GABRG2: variants seen among roughly 807,000 people sequenced by gnomAD.
The protein encoded by GABRG2 is gamma-aminobutyric acid type A receptor subunit gamma2.
In GABRG2, 16 loss-of-function variants were observed where a neutral mutation model predicts 56.4. That is an observed-to-expected ratio of 0.28 (90% CI 0.19 to 0.43). GABRG2 has a LOEUF of 0.43. Among genes scored for constraint, GABRG2 ranks in the 20% least tolerant of loss-of-function variants. The pLI is 1.00. For synonymous variants in GABRG2, 208 were observed against 205.5 expected (o/e 1.01, Z -0.10); for missense variants, 327 against 582.7 (o/e 0.56, Z 4.52).
intron 6 of GABRG2, among the ~76,000 whole-genome samples, chr5:162,133,837 G>A (rs1763929127): frequency 6.6e-6 from 1 of 152,096 alleles, no homozygotes; most frequent in South Asian, 2.1e-4. Flanking sequence ...TACATTTGGA[G>A]GCTTTGCAAA....
chr5:162,123,319 T>C (rs1234724693), intron 6 of GABRG2, among the ~76,000 whole-genome samples: 3 of 151,908 alleles, frequency 2.0e-5, no homozygotes, highest in East Asian at 1.9e-4. Flanking sequence ...ATGGATAAGA[T>C]ATAATCATCT....
At chr5:162,084,246 T>A (rs1365574454) in intron 1 of GABRG2, among the ~76,000 whole-genome samples, 2 of 151,122 alleles carry the variant, frequency 1.3e-5, no homozygotes, top group Non-Finnish European at 3.0e-5. Flanking sequence ...ACTGTACCTA[T>A]GTGACACTTA....
At chr5:162,073,459 T>A (rs565356030) in intron 1 of GABRG2, among the ~76,000 whole-genome samples, 8 of 152,076 alleles carry the variant, frequency 5.3e-5, no homozygotes, top group African/African-American at 1.9e-4. Context: ...TTGCTTTTTA[T>A]TGAGCAAATC....
chr5:162,073,966 A>G (rs902398419), intron 1 of GABRG2, among the ~76,000 whole-genome samples: 51 of 151,908 alleles, frequency 3.4e-4, no homozygotes, highest in African/African-American at 4.6e-4. Flanking sequence ...AATACATCAC[A>G]TTGCACAAGT....
intron 1 of GABRG2, among the ~76,000 whole-genome samples, chr5:162,083,175 T>A (rs1759798107): frequency 6.6e-6 from 1 of 151,694 alleles, no homozygotes; most frequent in African/African-American, 2.4e-5. Context: ...TATCTAAACA[T>A]GAAAATAAAA....
chr5:162,078,382 TATATATATATATATA>T (rs1759324616), intron 1 of GABRG2, among the ~76,000 whole-genome samples: 2 of 33,854 alleles, frequency 5.9e-5, no homozygotes, highest in African/African-American at 1.1e-4. Flanking sequence ...TATATATATA[TATATATATATATATA>T]TTTTTTTTTT....
chr5:162,074,546 T>C (rs933353016), intron 1 of GABRG2, among the ~76,000 whole-genome samples: 2 of 152,066 alleles, frequency 1.3e-5, no homozygotes, highest in African/African-American at 4.8e-5. Flanking sequence ...TGTATATTTA[T>C]ATAAATAAAA....
In GABRG2 at chr5:162,068,021, A is replaced by G; in HGVS notation, c.22A>G (p.Ser8Gly). The G allele has an allele frequency of 6.2e-7, 1 of 1,610,656 alleles. No homozygotes were observed. Among genetic ancestry groups the G allele is most frequent in the Non-Finnish European group, 8.5e-7 (1 of 1,179,148 alleles). Residue 8 changes from serine (S) to glycine (G), a missense_variant, in exon 1 of 10, where the codon AGC becomes GGC. Transcript: ENST00000639213. MSSPNIW[S>G]TGSSVYSTPV... Reference sequence around the variant, plus strand: ...AGCGATGAGTTCGCCAAATATATGGAGCACAGGAAGCTCAGTCTACTCGAC... The same window carrying G: ...AGCGATGAGTTCGCCAAATATATGGGGCACAGGAAGCTCAGTCTACTCGAC...
chr5:162,122,580 T>C (rs1763047299), intron 6 of GABRG2, among the ~76,000 whole-genome samples: 1 of 151,808 alleles, frequency 6.6e-6, no homozygotes, highest in Non-Finnish European at 1.5e-5. Flanking sequence ...TTCAGATTAT[T>C]TAATGTTTTT....
chr5:162,103,637 G>A (rs1200362473), intron 5 of GABRG2: 7 of 510,574 alleles, frequency 1.4e-5, no homozygotes, highest in Non-Finnish European at 2.5e-5. Flanking sequence ...ATCACATGTA[G>A]TATACCTTCT....
intron 1 of GABRG2, among the ~76,000 whole-genome samples, chr5:162,077,913 G>T (rs1330163134): frequency 6.6e-6 from 1 of 152,064 alleles, no homozygotes; most frequent in Non-Finnish European, 1.5e-5. Context: ...GAGACAGAGA[G>T]GATTGGGGGA....
intron 1 of GABRG2, among the ~76,000 whole-genome samples, chr5:162,074,070 G>T (rs1269995071): frequency 6.6e-6 from 1 of 151,754 alleles, no homozygotes; most frequent in African/African-American, 2.4e-5. Flanking sequence ...TTACTGGGGA[G>T]GGTTATTTCC....
chr5:162,097,336 G>A (rs1761071102), intron 3 of GABRG2, among the ~76,000 whole-genome samples: 1 of 152,088 alleles, frequency 6.6e-6, no homozygotes. Context: ...GAAACTAGCT[G>A]GCTCAAAACA....
At chr5:162,084,874 G>A (rs2113224385) in intron 1 of GABRG2, among the ~76,000 whole-genome samples, 1 of 151,862 alleles carries the variant, frequency 6.6e-6, no homozygotes, top group Non-Finnish European at 1.5e-5. Context: ...GTGAAGGAGA[G>A]GAAGCCTTCT....
intron 6 of GABRG2, among the ~76,000 whole-genome samples, chr5:162,136,375 T>G (rs1764126327): frequency 6.6e-6 from 1 of 152,106 alleles, no homozygotes; most frequent in Non-Finnish European, 1.5e-5. Context: ...ATGTGGTTTG[T>G]GTAACTAAGA....
chr5:162,104,459 T>A (rs555200743), intron 6 of GABRG2, among the ~76,000 whole-genome samples: 13 of 152,284 alleles, frequency 8.5e-5, no homozygotes, highest in Admixed American at 5.2e-4. Flanking sequence ...TTTAATCTTA[T>A]CCATCAGTGG....
intron 1 of GABRG2, among the ~76,000 whole-genome samples, chr5:162,072,439 T>G (rs1245973144): frequency 6.6e-6 from 1 of 152,036 alleles, no homozygotes; most frequent in African/African-American, 2.4e-5. Flanking sequence ...TCAGAGTAGT[T>G]TGGAGATTGT....
At chr5:162,117,062 T>G (rs1383273941) in intron 6 of GABRG2, among the ~76,000 whole-genome samples, 1 of 152,216 alleles carries the variant, frequency 6.6e-6, no homozygotes, top group African/African-American at 2.4e-5. Context: ...GAGATTGTTT[T>G]GGGTCAAGAC....
intron 7 of GABRG2, among the ~76,000 whole-genome samples, chr5:162,148,496 G>T (rs1004904709): frequency 2.0e-5 from 3 of 152,074 alleles, no homozygotes; most frequent in Non-Finnish European, 4.4e-5. Context: ...CCTCTATTTA[G>T]CATCTTTGAA....
Sources: allele counts gnomAD v4.1 joint callset (sites outside exome capture counted in the v4.1 genomes callset), GRCh38; gene constraint gnomAD v4.1.1; transcripts MANE v1.5; gene names NCBI Gene and HGNC (gene_info 2026-07-23, HGNC 2026-07-21).